The following FAM110C variants were observed in gnomAD, a reference collection of about 807,000 sequenced individuals.
FAM110C encodes the protein family with sequence similarity 110 member C.
FAM110C carries 19 observed loss-of-function variants against 15.7 expected under a neutral mutation model. That is an observed-to-expected ratio of 1.21 (90% CI 0.85 to 1.78). FAM110C has a LOEUF of 1.78. Among genes scored for constraint, FAM110C ranks in the 40% most tolerant of loss-of-function variants. FAM110C has a pLI of 0.00. For synonymous variants in FAM110C, 275 were observed against 233.9 expected, an observed-to-expected ratio of 1.18 and a Z score of -1.61; for missense variants, 547 against 495.7, an observed-to-expected ratio of 1.10 and a Z score of -0.98.
chr2:46,278 T>G lies in FAM110C; in HGVS notation c.108A>C (p.Ala36=). The stretch of plus-strand genomic sequence containing the variant: ...CGCGATCCGCCGCCAGCCTCTCCAC[T>G]GCGCTCCTGCGCGCCGGCCGCGCGG... The part of the protein sequence containing the change: ...PDAARPARRS[A]VERLAADRAK... Residue 36 remains alanine, a synonymous_variant, in exon 1 of 2, where the codon GCA becomes GCC. Transcript: ENST00000327669. 1 of 1,371,740 alleles carries G rather than the reference T, an allele frequency of 7.3e-7. No individual in the cohort carries two copies. Among genetic ancestry groups the G allele is most frequent in the Non-Finnish European group, 9.4e-7 (1 of 1,066,100 alleles). 85.0% of individuals were successfully genotyped at this position (1,371,740 alleles called of 1,614,324 possible).
rs1664242598 is a variant in FAM110C at position 45,264 on chromosome 2, C to CG, written c.946+175dup. The CG allele has an allele frequency of 4.1e-6, 4 of 985,398 alleles. No homozygotes were observed. The African/African-American group carries it at 7.0e-5, about 17-fold the overall frequency. 61.0% of individuals were successfully genotyped at this position (985,398 alleles called of 1,614,324 possible). On this transcript the variant is annotated intron_variant, in intron 1 of 1. Coordinates refer to ENST00000327669, the MANE Select transcript of FAM110C (RefSeq NM_001077710.3). Reference sequence around the variant, plus strand: ...ATTGGTACCTTCTGCTCTTCAGCAGCGGGGGCTCAACTCACAAGCCTCTGC... The same window carrying CG: ...ATTGGTACCTTCTGCTCTTCAGCAGCGGGGGGCTCAACTCACAAGCCTCTGC...
At chr2:44,000 TTAATTCTGGTTTAGTGCTCTA>T in intron 1 of FAM110C, 1 of 985,402 alleles carries the variant, frequency 1.0e-6, no homozygotes, top group African/African-American at 1.7e-5. Flanking sequence ...AGACAGGCCC[TTAATTCTGGTTTAGTGCTCTA>T]TCCACCAGAC....
chr2:43,979 T>G, intron 1 of FAM110C: 14 of 985,406 alleles, frequency 1.4e-5, no homozygotes, highest in Non-Finnish European at 1.7e-5. Flanking sequence ...CAGGAATCAT[T>G]TGCTAACATA....
At chr2:42,875 A>T (rs895899746) in intron 1 of FAM110C, 30 of 985,366 alleles carry the variant, frequency 3.0e-5, no homozygotes, top group Non-Finnish European at 3.4e-5. Context: ...AAATTTCAGC[A>T]GAAAAAGCAC....
At position 46,075 on chromosome 2, in the gene FAM110C, C is replaced by T. The variant is rs372922437; in HGVS notation, c.311G>A (p.Arg104Gln). ...PLRPDSLIIY[R>Q]QKCEFVRGSG... ...TCCTCGCACGAATTCGCATTTCTGC[C>T]GGTAGATGATCAGCGAGTCCGGTCT... Residue 104 changes from arginine to glutamine, a missense_variant, in exon 1 of 2, where the codon CGG becomes CAG. Coordinates refer to ENST00000327669, the MANE Select transcript of FAM110C (RefSeq NM_001077710.3). 6 of 1,524,178 alleles carry T rather than the reference C, an allele frequency of 3.9e-6. No individual in the cohort carries two copies. Among genetic ancestry groups the T allele is most frequent in the Non-Finnish European group, 5.2e-6 (6 of 1,143,094 alleles). 94.4% of individuals were successfully genotyped at this position (1,524,178 alleles called of 1,614,324 possible).
rs1348245227 is a variant in FAM110C at position 46,377 on chromosome 2, G to C, written c.9C>G (p.Ala3=). 16 of 1,288,000 alleles carry C rather than the reference G, an allele frequency of 1.2e-5. No homozygotes were observed. In the Admixed American group the frequency reaches 3.8e-4, roughly 31 times the overall value. The allele number at this position is 1,288,000 out of a possible 1,614,324, so 79.8% of individuals were successfully genotyped here. The change falls in exon 1 of 2, where the codon GCC becomes GCG. Residue 3 remains alanine, a synonymous_variant. Coordinates refer to ENST00000327669, the MANE Select transcript of FAM110C (RefSeq NM_001077710.3). MR[A]LAALSAPPNE... ...TCGGGGGCGCGCTCAGGGCCGCCAG[G>C]GCGCGCATCTTCGCGGGGAATGGAC...
At chr2:44,704 C>T (rs1664229374) in intron 1 of FAM110C, 1 of 985,306 alleles carries the variant, frequency 1.0e-6, no homozygotes, top group Non-Finnish European at 1.2e-6. Flanking sequence ...TCCGGCACTA[C>T]TGGTTGTCCA....
At position 41,532 on chromosome 2, in the gene FAM110C, A is replaced by G; in HGVS notation, c.*76T>C. 6.5e-7 allele frequency: 1 copy of G among 1,537,522 alleles called. No individual in the cohort carries two copies. The highest frequency in any genetic ancestry group is 8.9e-7 in the Non-Finnish European group (1 of 1,123,352). On this transcript the variant is annotated 3_prime_UTR_variant, in exon 2 of 2. Transcript: ENST00000327669. ...CTGCATTCCTGGTAAAACAGCAATC[A>G]TGTGGTCACCTAGGCACACTAGCCA...
rs2103267855 is a variant in FAM110C, at chr2:39,611, GCCA to G, written c.*1994_*1996del. 6.6e-6 allele frequency: 1 copy of G among 152,100 alleles called. No homozygotes were observed. The highest frequency in any genetic ancestry group is 2.1e-4 in the South Asian group (1 of 4,816). The allele number at this position is 152,100 out of a possible 1,614,324, so 9.4% of individuals were successfully genotyped here. ...CAGCTGAATTCTTCTCTTTTCCTGT[GCCA>G]CCACCAAAGGTGCAAACATTTCTAA... is the stretch of plus-strand genomic sequence containing the variant. On this transcript the variant is annotated 3_prime_UTR_variant, in exon 2 of 2. Transcript: ENST00000327669.
chr2:43,699 T>C (rs1664190489), intron 1 of FAM110C: 2 of 985,386 alleles, frequency 2.0e-6, no homozygotes, highest in Non-Finnish European at 2.4e-6. Context: ...TTTACTTTGG[T>C]TTCATTTGTA....
In FAM110C at chr2:39,052, A is replaced by C. The variant is rs1257028564; in HGVS notation, c.*2556T>G. 2 of 152,210 alleles carry C rather than the reference A, an allele frequency of 1.3e-5. No homozygotes were observed. The highest frequency in any genetic ancestry group is 4.8e-5 in the African/African-American group (2 of 41,452). The allele number at this position is 152,210 out of a possible 1,614,324, so 9.4% of individuals were successfully genotyped here. A position where few individuals can be genotyped will look rare whatever the true frequency, so the allele number is the denominator to read the frequency against. On this transcript the variant is annotated 3_prime_UTR_variant, in exon 2 of 2. Coordinates refer to ENST00000327669, the MANE Select transcript of FAM110C (RefSeq NM_001077710.3). Reference sequence around the variant, plus strand: ...CCAGTTTCAGTGCCCAGTAGTTTAAAACATTCTATTATGTTTAATTACATT... The same window carrying C: ...CCAGTTTCAGTGCCCAGTAGTTTAACACATTCTATTATGTTTAATTACATT...
rs188313154 is a variant in FAM110C, at chr2:42,789, C to T, written c.947-1162G>A. On this transcript the variant is annotated intron_variant, in intron 1 of 1. Coordinates refer to ENST00000327669, the MANE Select transcript of FAM110C (RefSeq NM_001077710.3). ...AAACCTCCAAATATATTTGTTTTCT[C>T]TTTCACTTAGAAAACCTACCTTTGT... The T allele has an allele frequency of 2.4e-4, 232 of 971,984 alleles. 1 individual carries two copies. In the African/African-American group the frequency reaches 3.9e-3, roughly 16 times the overall value. The allele number at this position is 971,984 out of a possible 1,614,324, so 60.2% of individuals were successfully genotyped here.
chr2:44,395 A>G, intron 1 of FAM110C: 1 of 985,408 alleles, frequency 1.0e-6, no homozygotes. Flanking sequence ...CTGTGCAAAC[A>G]TCTCTTGGGC....
chr2:46,116 A>G lies in FAM110C; in HGVS notation c.270T>C (p.Ile90=). ...AGTCCGGTCTCAACGGCTTCCGCGC[A>G]ATAGCCCTGCGCGCCACCGGGGCCG... is the stretch of plus-strand genomic sequence containing the variant. ...RAPAPVARRA[I]ARKPLRPDSL... is the part of the protein sequence containing the mutation. Residue 90 remains isoleucine (I), a synonymous_variant, in exon 1 of 2, where the codon ATT becomes ATC. Coordinates refer to ENST00000327669, the MANE Select transcript of FAM110C (RefSeq NM_001077710.3). 2 of 1,480,442 alleles carry G rather than the reference A, an allele frequency of 1.4e-6. No homozygotes were observed. Among genetic ancestry groups the G allele is most frequent in the Non-Finnish European group, 8.9e-7 (1 of 1,123,148 alleles). 91.7% of individuals were successfully genotyped at this position (1,480,442 alleles called of 1,614,324 possible).
intron 1 of FAM110C, 22 bp from the exon 2 acceptor site, chr2:41,649 A>T: frequency 6.2e-7 from 1 of 1,613,426 alleles, no homozygotes; most frequent in Non-Finnish European, 8.5e-7. Context: ...AAGAAAAAAT[A>T]GTGAATCAAC....
In FAM110C at chr2:41,389, A is replaced by C. The variant is rs117525513; in HGVS notation, c.*219T>G. 1 of 449,464 alleles carries C rather than the reference A, an allele frequency of 2.2e-6. No homozygotes were observed. The highest frequency in any genetic ancestry group is 3.5e-5 in the East Asian group (1 of 28,754). 27.8% of individuals were successfully genotyped at this position (449,464 alleles called of 1,614,324 possible). A position where few individuals can be genotyped will look rare whatever the true frequency, so the allele number is the denominator to read the frequency against. The stretch of plus-strand genomic sequence containing the variant: ...AGCAACACTAGTTTCACCTCAAACA[A>C]GGAAGACACCTCTTGGAGTTTCAGC... On this transcript the variant is annotated 3_prime_UTR_variant, in exon 2 of 2. Coordinates refer to ENST00000327669, the MANE Select transcript of FAM110C (RefSeq NM_001077710.3).
At position 41,254 on chromosome 2, in the gene FAM110C, T is replaced by TG. The variant is rs1664117816; in HGVS notation, c.*353_*354insC. 4.3e-6 allele frequency: 1 copy of TG among 234,702 alleles called. No individual in the cohort carries two copies. Among genetic ancestry groups the TG allele is most frequent in the Admixed American group, 5.6e-5 (1 of 17,738 alleles). 14.5% of individuals were successfully genotyped at this position (234,702 alleles called of 1,614,324 possible). On this transcript the variant is annotated 3_prime_UTR_variant, in exon 2 of 2. Coordinates refer to ENST00000327669, the MANE Select transcript of FAM110C (RefSeq NM_001077710.3). ...TGCTTGGTTTTTATTTTCCTTGATTTAAAAAAAAATCAACTTAGATATTGT... is the reference window on the plus strand; with the variant it reads ...TGCTTGGTTTTTATTTTCCTTGATTTGAAAAAAAAATCAACTTAGATATTGT...
rs1664317906 is a variant in FAM110C, at chr2:46,490, G to A, written c.-105C>T. 1 of 902,442 alleles carries A rather than the reference G, an allele frequency of 1.1e-6. No individual in the cohort carries two copies. The highest frequency in any genetic ancestry group is 1.7e-5 in the African/African-American group (1 of 57,722). 55.9% of individuals were successfully genotyped at this position (902,442 alleles called of 1,614,324 possible). A position where few individuals can be genotyped will look rare whatever the true frequency, so the allele number is the denominator to read the frequency against. On this transcript the variant is annotated 5_prime_UTR_variant, in exon 1 of 2. Coordinates refer to ENST00000327669, the MANE Select transcript of FAM110C (RefSeq NM_001077710.3). ...CGGTTCCGAAGTCCGCGCCGGGTGG[G>A]GAACGGCGCCCCAGTGCCCAGCTGC...
At position 42,169 on chromosome 2, in the gene FAM110C, G is replaced by T. The variant is rs1664143740; in HGVS notation, c.947-542C>A. On this transcript the variant is annotated intron_variant, in intron 1 of 1. Coordinates refer to ENST00000327669, the MANE Select transcript of FAM110C (RefSeq NM_001077710.3). ...TTCTCAGAATAGTCAAAGAAGAAAG[G>T]AAAAGAAAGCTGGATGTCCCGGGTT... 5.1e-6 allele frequency: 5 copies of T among 985,406 alleles called. No homozygotes were observed. The South Asian group carries it at 1.9e-4, about 37-fold the overall frequency. 61.0% of individuals were successfully genotyped at this position (985,406 alleles called of 1,614,324 possible).
Sources: allele counts gnomAD v4.1 joint callset, GRCh38; gene constraint gnomAD v4.1.1; transcripts MANE v1.5; gene names NCBI Gene and HGNC (gene_info 2026-07-23, HGNC 2026-07-21).